The following CSMD1 variants were observed in gnomAD, a reference collection of about 807,000 sequenced individuals.
The protein encoded by CSMD1 is CUB and sushi domain-containing protein 1.
CSMD1 carries 213 observed loss-of-function variants against 417.5 expected under a neutral mutation model. The observed-to-expected ratio is 0.51, with a 90% confidence interval of 0.46 to 0.57. CSMD1 has a LOEUF of 0.57. CSMD1 is among the 20% of genes least tolerant of loss of function. The pLI is 0.00. For synonymous variants in CSMD1, 2,862 were observed against 1,736.8 expected, an observed-to-expected ratio of 1.65 and a Z score of -16.11; for missense variants, 6,923 against 4,529.7, an observed-to-expected ratio of 1.53 and a Z score of -15.17.
chr8:4,115,174 G>C (rs930369439), intron 3 of CSMD1, among the ~76,000 whole-genome samples: 4 of 152,260 alleles, frequency 2.6e-5, no homozygotes, highest in African/African-American at 4.8e-5. Context: ...AATTTTCACA[G>C]CTACCCCAGC....
At chr8:4,886,042 C>T (rs1585264575) in intron 1 of CSMD1, among the ~76,000 whole-genome samples, 1 of 152,064 alleles carries the variant, frequency 6.6e-6, no homozygotes, top group Non-Finnish European at 1.5e-5. Context: ...CCAGGCTGGA[C>T]TGCAGTGGTG....
intron 49 of CSMD1, among the ~76,000 whole-genome samples, 155 bp downstream of exon 49, chr8:3,086,942 T>C (rs1466148967): frequency 6.6e-6 from 1 of 152,228 alleles, no homozygotes; most frequent in Non-Finnish European, 1.5e-5. Context: ...AAAGTTTGCA[T>C]GGCCACTAGA....
At chr8:3,407,423 G>T (rs1812418285) in intron 14 of CSMD1, among the ~76,000 whole-genome samples, 1 of 151,116 alleles carries the variant, frequency 6.6e-6, no homozygotes, top group African/African-American at 2.4e-5. Flanking sequence ...ATGGAAGGAT[G>T]GATGGATAGA....
At chr8:4,941,655 G>A (rs1186021770) in intron 1 of CSMD1, among the ~76,000 whole-genome samples, 1 of 151,328 alleles carries the variant, frequency 6.6e-6, no homozygotes, top group African/African-American at 2.4e-5. Flanking sequence ...CTGGGGTACA[G>A]TACCACAATC....
intron 3 of CSMD1, among the ~76,000 whole-genome samples, chr8:4,224,162 A>G (rs956183776): frequency 6.6e-6 from 1 of 152,172 alleles, no homozygotes; most frequent in African/African-American, 2.4e-5. Context: ...TACTACACAT[A>G]ATCACAAAAC....
At chr8:4,328,521 A>G (rs956531096) in intron 3 of CSMD1, among the ~76,000 whole-genome samples, 5 of 152,118 alleles carry the variant, frequency 3.3e-5, no homozygotes, top group Admixed American at 3.3e-4. Context: ...TTGGTAATAA[A>G]GCATCTCCTG....
intron 5 of CSMD1, among the ~76,000 whole-genome samples, chr8:3,972,134 G>T (rs758701378): frequency 6.6e-5 from 10 of 152,116 alleles, no homozygotes; most frequent in Non-Finnish European, 1.2e-4. Context: ...GACGGCGAAA[G>T]TGCTGGGATG....
At chr8:4,501,016 G>T (rs1030259818) in intron 2 of CSMD1, among the ~76,000 whole-genome samples, 1 of 152,050 alleles carries the variant, frequency 6.6e-6, no homozygotes, top group Non-Finnish European at 1.5e-5. Context: ...ATTATTATTT[G>T]TTTGGGAGTA....
At chr8:3,170,910 C>G (rs966299535) in intron 37 of CSMD1, among the ~76,000 whole-genome samples, 2 of 152,186 alleles carry the variant, frequency 1.3e-5, no homozygotes, top group African/African-American at 4.8e-5. Flanking sequence ...GGGTGATGAA[C>G]TAGTTGCCAC....
At chr8:4,429,863 C>T (rs184865789) in intron 2 of CSMD1, among the ~76,000 whole-genome samples, 3 of 152,082 alleles carry the variant, frequency 2.0e-5, no homozygotes, top group African/African-American at 7.2e-5. Context: ...CAGTTAAGTT[C>T]TATGAAATGA....
At chr8:4,788,127 G>A in intron 1 of CSMD1, 9 of 1,603,198 alleles carry the variant, frequency 5.6e-6, no homozygotes, top group Non-Finnish European at 7.7e-6. Flanking sequence ...AGTGTTGATG[G>A]GCTCTACTTC....
chr8:4,283,653 C>G (rs1300889210), intron 3 of CSMD1, among the ~76,000 whole-genome samples: 1 of 152,124 alleles, frequency 6.6e-6, no homozygotes, highest in Non-Finnish European at 1.5e-5. Context: ...GGACAAAACC[C>G]AACAGACACA....
intron 10 of CSMD1, among the ~76,000 whole-genome samples, chr8:3,539,694 G>T (rs571887076): frequency 2.7e-5 from 4 of 150,402 alleles, no homozygotes; most frequent in Non-Finnish European, 5.9e-5. Context: ...TCAAGTGTGG[G>T]ATAACAGTGT....
chr8:3,628,707 G>A (rs1364121880), intron 7 of CSMD1, among the ~76,000 whole-genome samples: 1 of 151,962 alleles, frequency 6.6e-6, no homozygotes, highest in Non-Finnish European at 1.5e-5. Context: ...AGAAGTGTAG[G>A]CACCCTGCAG....
intron 26 of CSMD1, among the ~76,000 whole-genome samples, chr8:3,246,881 A>T (rs1799918007): frequency 6.6e-6 from 1 of 152,164 alleles, no homozygotes; most frequent in Non-Finnish European, 1.5e-5. Flanking sequence ...AAATTTTTGG[A>T]ATTAGAGTTC....
intron 1 of CSMD1, among the ~76,000 whole-genome samples, chr8:4,683,758 A>G (rs1257839274): frequency 6.6e-6 from 1 of 152,194 alleles, no homozygotes. Flanking sequence ...ATTAGCTCAG[A>G]CATACATCTA....
intron 3 of CSMD1, among the ~76,000 whole-genome samples, chr8:4,242,326 G>C (rs1222863073): frequency 3.9e-5 from 6 of 152,120 alleles, no homozygotes; most frequent in Non-Finnish European, 7.4e-5. Context: ...CAAGTGATTA[G>C]TAAACATGAA....
At chr8:3,697,353 A>C (rs542843158) in intron 7 of CSMD1, among the ~76,000 whole-genome samples, 2 of 152,212 alleles carry the variant, frequency 1.3e-5, no homozygotes, top group African/African-American at 2.4e-5. Flanking sequence ...CAGGCTTAAG[A>C]GATATGTACT....
At chr8:4,125,768 C>G (rs992484049) in intron 3 of CSMD1, among the ~76,000 whole-genome samples, 1 of 152,114 alleles carries the variant, frequency 6.6e-6, no homozygotes, top group Non-Finnish European at 1.5e-5. Flanking sequence ...CAGCCCTTAT[C>G]AACTGATAGA....
Sources: gnomAD v4.1 joint callset for allele counts (sites outside exome capture counted in the v4.1 genomes callset) on GRCh38, gnomAD v4.1.1 for gene constraint, MANE v1.5 for transcripts, NCBI Gene and HGNC (gene_info 2026-07-23, HGNC 2026-07-21) for gene names.